Variants in ADGRL2 observed in about 807,000 individuals in gnomAD.
ADGRL2 encodes calcium-independent alpha-latrotoxin receptor 2.
A neutral mutation model predicts 157.4 loss-of-function variants in ADGRL2; 44 were observed. The observed-to-expected ratio is 0.28, with a 90% CI of 0.22 to 0.36. The LOEUF is 0.36. Among genes scored for constraint, ADGRL2 ranks in the 10% least tolerant of loss-of-function variants. ADGRL2 has a pLI of 1.00. For missense variants in ADGRL2, 1,510 were observed against 1,768.9 expected (o/e 0.85, Z 2.63); for synonymous variants, 585 against 624.7 (o/e 0.94, Z 0.95).
chr1:81,420,718 C>T (rs2077109332), intron 1 of ADGRL2, among the ~76,000 whole-genome samples: 1 of 152,066 alleles, frequency 6.6e-6, no homozygotes, highest in Admixed American at 6.6e-5. Context: ...AGTTGTCGTG[C>T]TTAGGGTCTA....
At chr1:81,928,663 A>G (rs2095163607) in intron 3 of ADGRL2, among the ~76,000 whole-genome samples, 2 of 152,136 alleles carry the variant, frequency 1.3e-5, no homozygotes, top group Non-Finnish European at 2.9e-5. Context: ...TTCCTATTCT[A>G]TTAATTAAAG....
chr1:81,870,740 T>A lies in ADGRL2; in HGVS notation c.73+33683T>A, dbSNP rs186166085. On this transcript the variant is annotated intron_variant, in intron 2 of 23. Transcript: ENST00000686636. Reference sequence around the variant, plus strand: ...ATGAATTTTACCTGTATTTTATTCATTTATGTGTTAGCATAGTTAAAACAA... The same window carrying A: ...ATGAATTTTACCTGTATTTTATTCAATTATGTGTTAGCATAGTTAAAACAA... Among the ~76,000 whole-genome samples the A allele has an allele frequency of 2.0e-5, 3 of 152,216 alleles. No homozygotes were observed. In the East Asian group the frequency reaches 5.8e-4, roughly 29 times the overall value.
intron 2 of ADGRL2, among the ~76,000 whole-genome samples, chr1:81,531,409 A>C (rs756359691): frequency 2.8e-4 from 42 of 152,380 alleles, no homozygotes; most frequent in Admixed American, 9.8e-4. Context: ...AAGTTTCATT[A>C]GGGTAGGAAT....
intron 6 of ADGRL2, among the ~76,000 whole-genome samples, chr1:81,948,885 G>A (rs1278887934): frequency 6.6e-6 from 1 of 152,150 alleles, no homozygotes; most frequent in East Asian, 1.9e-4. Context: ...CAAGAAGTAT[G>A]TAACTACTAA....
At chr1:81,732,354 C>G (rs1044581939) in intron 1 of ADGRL2, among the ~76,000 whole-genome samples, 8 of 152,130 alleles carry the variant, frequency 5.3e-5, no homozygotes, top group African/African-American at 1.9e-4. Flanking sequence ...CTTGAGAGAA[C>G]TACATATGCT....
intron 3 of ADGRL2, among the ~76,000 whole-genome samples, chr1:81,605,361 A>G (rs375926203): frequency 6.6e-6 from 1 of 152,318 alleles, no homozygotes; most frequent in South Asian, 2.1e-4. Context: ...AGAAGAGCAG[A>G]TGGCCCCCAA....
chr1:81,951,238 T>A (rs1237141519), intron 8 of ADGRL2, 117 bp downstream of exon 8: 3 of 623,910 alleles, frequency 4.8e-6, no homozygotes. Context: ...AGTATAAAAG[T>A]AAAAAAAAAT....
chr1:81,575,186 C>A (rs955349812), intron 2 of ADGRL2, among the ~76,000 whole-genome samples: 1 of 152,062 alleles, frequency 6.6e-6, no homozygotes, highest in African/African-American at 2.4e-5. Context: ...AATAATGTTT[C>A]GTGTCTTCCC....
intron 2 of ADGRL2, among the ~76,000 whole-genome samples, chr1:81,851,722 T>C (rs1433782774): frequency 7.6e-6 from 1 of 132,364 alleles, no homozygotes. Flanking sequence ...TGTCATAAAA[T>C]GCCACTTAAA....
chr1:81,869,275 T>C (rs1303058972), intron 2 of ADGRL2, among the ~76,000 whole-genome samples: 1 of 152,070 alleles, frequency 6.6e-6, no homozygotes, highest in Non-Finnish European at 1.5e-5. Flanking sequence ...TTTTTAGTTA[T>C]TTTCAAAGAC....
At chr1:81,569,930 G>T (rs2080648522) in intron 2 of ADGRL2, among the ~76,000 whole-genome samples, 1 of 152,154 alleles carries the variant, frequency 6.6e-6, no homozygotes, top group African/African-American at 2.4e-5. Context: ...CACTCACATG[G>T]GTATTGGCAG....
chr1:81,974,542 G>C (rs990516705), intron 17 of ADGRL2, among the ~76,000 whole-genome samples: 2 of 152,290 alleles, frequency 1.3e-5, no homozygotes, highest in Admixed American at 6.5e-5. Context: ...TAGCTTTAGA[G>C]TTGCATTTGC....
chr1:81,426,927 AAGAC>A (rs1286116635), intron 1 of ADGRL2: 4 of 704,160 alleles, frequency 5.7e-6, no homozygotes, highest in East Asian at 5.5e-5. Flanking sequence ...GAAGTTATGG[AAGAC>A]AGACAGAGTG....
At chr1:81,371,924 A>G (rs2076167293) in intron 1 of ADGRL2, among the ~76,000 whole-genome samples, 1 of 152,222 alleles carries the variant, frequency 6.6e-6, no homozygotes, top group South Asian at 2.1e-4. Flanking sequence ...TGTGTAAATA[A>G]ACAAAGAAAA....
intron 2 of ADGRL2, among the ~76,000 whole-genome samples, chr1:81,780,670 G>A (rs1472039549): frequency 1.3e-5 from 2 of 152,158 alleles, no homozygotes; most frequent in Non-Finnish European, 2.9e-5. Context: ...ACCTTATAGG[G>A]TTGTTGTGAG....
intron 1 of ADGRL2, among the ~76,000 whole-genome samples, chr1:81,346,105 A>G (rs1421240035): frequency 6.6e-6 from 1 of 152,214 alleles, no homozygotes; most frequent in East Asian, 1.9e-4. Context: ...TTGCACGCTG[A>G]TAAATATTAG....
At chr1:81,523,016 T>C (rs144790332) in intron 2 of ADGRL2, among the ~76,000 whole-genome samples, 1 of 151,830 alleles carries the variant, frequency 6.6e-6, no homozygotes, top group Non-Finnish European at 1.5e-5. Flanking sequence ...CAATTAAAGA[T>C]ATGGCTTCTC....
intron 1 of ADGRL2, among the ~76,000 whole-genome samples, chr1:81,834,302 T>G (rs1467626936): frequency 6.6e-6 from 1 of 152,218 alleles, no homozygotes; most frequent in Admixed American, 6.5e-5. Context: ...AAAGGAAATT[T>G]AATAGACCTT....
At chr1:81,908,611 T>C (rs1044001894) in intron 3 of ADGRL2, among the ~76,000 whole-genome samples, 2 of 152,170 alleles carry the variant, frequency 1.3e-5, no homozygotes, top group African/African-American at 4.8e-5. Context: ...GCAAATAAAG[T>C]ACAATTGCTG....
Sources: gnomAD v4.1 joint callset for allele counts (sites outside exome capture counted in the v4.1 genomes callset) on GRCh38, gnomAD v4.1.1 for gene constraint, MANE v1.5 for transcripts, NCBI Gene and HGNC (gene_info 2026-07-23, HGNC 2026-07-21) for gene names.